The following TRAPPC9 variants were observed in gnomAD, a reference collection of about 807,000 sequenced individuals.
TRAPPC9 encodes the protein IKK2 binding protein.
Under a neutral mutation model 124.0 loss-of-function variants are expected in TRAPPC9, and 83 were observed. The ratio of observed to expected loss-of-function variants is 0.67; its 90% confidence interval spans 0.56 to 0.80. TRAPPC9 has a LOEUF of 0.80. TRAPPC9 is among the 30% of genes least tolerant of loss of function. The pLI, the probability that TRAPPC9 is intolerant of heterozygous loss-of-function variation, is 0.00. For missense variants in TRAPPC9, 1,302 were observed against 1,508.3 expected, an observed-to-expected ratio of 0.86 and a Z score of 2.27; for synonymous variants, 638 against 617.5, an observed-to-expected ratio of 1.03 and a Z score of -0.49.
intron 17 of TRAPPC9, among the ~76,000 whole-genome samples, chr8:140,049,317 T>G (rs7843613): frequency 0.77 from 116,525 of 152,006 alleles, 45,481 homozygotes; most frequent in African/African-American, 0.91. Context: ...GACTTAAAAA[T>G]ATAAATGCTC....
chr8:139,762,127 A>C (rs936027608), intron 21 of TRAPPC9, among the ~76,000 whole-genome samples: 2 of 151,690 alleles, frequency 1.3e-5, no homozygotes, highest in Non-Finnish European at 2.9e-5. Context: ...AGGGCCTGCC[A>C]CATGCTCATT....
intron 2 of TRAPPC9, among the ~76,000 whole-genome samples, chr8:140,441,293 G>A (rs1238784164): frequency 6.6e-6 from 1 of 151,810 alleles, no homozygotes; most frequent in Non-Finnish European, 1.5e-5. Flanking sequence ...CTCAAAGGTA[G>A]ACAGTGTTTT....
intron 6 of TRAPPC9, among the ~76,000 whole-genome samples, chr8:140,404,368 CA>C (rs1230879027): frequency 6.6e-6 from 1 of 152,038 alleles, no homozygotes; most frequent in Non-Finnish European, 1.5e-5. Flanking sequence ...AATAATTAAG[CA>C]AATTAAGGCA....
intron 17 of TRAPPC9, among the ~76,000 whole-genome samples, chr8:140,193,704 C>A (rs1387752540): frequency 6.6e-6 from 1 of 150,954 alleles, no homozygotes; most frequent in Non-Finnish European, 1.5e-5. Context: ...TGAAACCAGT[C>A]CACAGGAGGC....
chr8:139,801,623 C>T (rs976305217), intron 21 of TRAPPC9, among the ~76,000 whole-genome samples: 10 of 152,276 alleles, frequency 6.6e-5, no homozygotes, highest in South Asian at 2.1e-4. Flanking sequence ...GGGTGGGGTA[C>T]GGTTATCAAC....
At chr8:140,034,954 A>T (rs1048403170) in intron 17 of TRAPPC9, among the ~76,000 whole-genome samples, 2 of 152,230 alleles carry the variant, frequency 1.3e-5, no homozygotes, top group Admixed American at 1.3e-4. Context: ...TTCCCGAAGG[A>T]AGGCCAGTTT....
intron 19 of TRAPPC9, among the ~76,000 whole-genome samples, chr8:139,936,323 C>G (rs555470667): frequency 6.6e-6 from 1 of 152,384 alleles, no homozygotes; most frequent in South Asian, 2.1e-4. Flanking sequence ...TCATTCATAA[C>G]ATGCATGCTG....
intron 17 of TRAPPC9, among the ~76,000 whole-genome samples, chr8:140,179,868 A>G (rs1340851598): frequency 6.6e-6 from 1 of 152,030 alleles, no homozygotes; most frequent in Non-Finnish European, 1.5e-5. Context: ...TCTTATATTA[A>G]TAAAGTTGTT....
chr8:140,148,187 G>A lies in TRAPPC9; in HGVS notation c.2556+73272C>T, dbSNP rs548836452. The stretch of plus-strand genomic sequence containing the variant: ...AGGAGGGACAGCCCTCAGACAGCCA[G>A]AAGGAGTCAGATGTATCCTGAACAT... On this transcript the variant is annotated intron_variant, in intron 17 of 22. Coordinates refer to ENST00000438773, the MANE Select transcript of TRAPPC9 (RefSeq NM_001160372.4). 6.0e-3 allele frequency among the ~76,000 whole-genome samples: 910 copies of A among 152,318 alleles called. 10 individuals carry two copies. Among genetic ancestry groups the A allele is most frequent in the African/African-American group, 0.021 (858 of 41,586 alleles).
At chr8:140,271,662 G>A (rs4236871) in intron 15 of TRAPPC9, among the ~76,000 whole-genome samples, 101,118 of 152,102 alleles carry the variant, frequency 0.66, 34,528 homozygotes, top group African/African-American at 0.76. Context: ...ACCAATCATC[G>A]GGGAAAAGCA....
At position 140,266,868 on chromosome 8, in the gene TRAPPC9, C is replaced by A. The variant is rs1356748339; in HGVS notation, c.2278+8790G>T. Among the ~76,000 whole-genome samples the A allele has an allele frequency of 6.9e-4, 104 of 150,698 alleles. 1 individual carries two copies. Among genetic ancestry groups the A allele is most frequent in the Non-Finnish European group, 1.2e-3 (81 of 67,634 alleles). On this transcript the variant is annotated intron_variant, in intron 15 of 22. Coordinates refer to ENST00000438773, the MANE Select transcript of TRAPPC9 (RefSeq NM_001160372.4). Reference sequence around the variant, plus strand: ...GAGCGAGACTCCATCTCAACAACAACAAAAAAAAACCCACTCATCTCTGTG... The same window carrying A: ...GAGCGAGACTCCATCTCAACAACAAAAAAAAAAAACCCACTCATCTCTGTG...
chr8:140,169,804 C>A (rs1387018303), intron 17 of TRAPPC9, among the ~76,000 whole-genome samples: 5 of 152,064 alleles, frequency 3.3e-5, no homozygotes, highest in African/African-American at 1.2e-4. Context: ...GTTTCCTTTT[C>A]GGTTGAAGCT....
chr8:140,095,968 T>TAA, intron 17 of TRAPPC9: 1 of 152,360 alleles, frequency 6.6e-6, no homozygotes, highest in East Asian at 1.9e-4. Flanking sequence ...ATTTTGGGTC[T>TAA]GCTTTCCCTC....
At chr8:139,918,742 T>G (rs1464088322) in intron 19 of TRAPPC9, among the ~76,000 whole-genome samples, 1 of 152,248 alleles carries the variant, frequency 6.6e-6, no homozygotes, top group Non-Finnish European at 1.5e-5. Flanking sequence ...CCTTTAAGTA[T>G]TGTTTTCTTC....
intron 19 of TRAPPC9, among the ~76,000 whole-genome samples, chr8:139,944,464 C>T (rs1024287750): frequency 1.3e-5 from 2 of 152,052 alleles, no homozygotes; most frequent in African/African-American, 2.4e-5. Flanking sequence ...ACACAGGAAC[C>T]GATGTGGTTG....
chr8:139,988,975 A>T (rs898439156), intron 18 of TRAPPC9, 139 bp from the exon 19 acceptor site: 79 of 697,712 alleles, frequency 1.1e-4, no homozygotes, highest in Non-Finnish European at 2.0e-4. Flanking sequence ...CTGGGCTCAG[A>T]GGATTACGGA....
intron 17 of TRAPPC9, among the ~76,000 whole-genome samples, chr8:140,162,842 A>G (rs1408009772): frequency 6.6e-6 from 1 of 152,068 alleles, no homozygotes; most frequent in Non-Finnish European, 1.5e-5. Flanking sequence ...TATTTTTTTA[A>G]TTAGCCAGGC....
chr8:140,266,817 G>C (rs1449445134), intron 15 of TRAPPC9, among the ~76,000 whole-genome samples: 2 of 148,930 alleles, frequency 1.3e-5, no homozygotes, highest in Non-Finnish European at 3.0e-5. Context: ...CCGAGATCGC[G>C]CCACTGCACT....
upstream of TRAPPC9, chr8:140,458,231 C>T (rs548557961): frequency 1.1e-4 from 177 of 1,550,990 alleles, 1 homozygote; most frequent in South Asian, 2.0e-3. Flanking sequence ...AGCTTCTGCA[C>T]CTGGGGCGGC....
Sources: gnomAD v4.1 joint callset for allele counts (sites outside exome capture counted in the v4.1 genomes callset) on GRCh38, gnomAD v4.1.1 for gene constraint, MANE v1.5 for transcripts, NCBI Gene and HGNC (gene_info 2026-07-23, HGNC 2026-07-21) for gene names.